The following CDH8 variants were observed in gnomAD, a reference collection of about 807,000 sequenced individuals.
The protein encoded by CDH8 is cadherin-8.
Under a neutral mutation model 68.1 loss-of-function variants are expected in CDH8, and 17 were observed. That is an observed-to-expected ratio of 0.25 (90% confidence interval 0.17 to 0.37). The LOEUF is 0.37. Ranked by LOEUF, CDH8 falls within the 10% of genes least tolerant of loss-of-function variation. The pLI, the probability that CDH8 is intolerant of heterozygous loss-of-function variation, is 1.00. For synonymous variants in CDH8, 372 were observed against 365.1 expected (o/e 1.02, Z -0.21); for missense variants, 763 against 999.3 (o/e 0.76, Z 3.19).
intron 2 of CDH8, among the ~76,000 whole-genome samples, chr16:61,954,262 C>T (rs951590969): frequency 3.8e-4 from 58 of 152,184 alleles, no homozygotes; most frequent in African/African-American, 1.2e-3. Context: ...TATATGATGT[C>T]CATCTTTCCC....
chr16:61,948,640 G>A (rs755855542), intron 2 of CDH8, among the ~76,000 whole-genome samples: 1 of 152,052 alleles, frequency 6.6e-6, no homozygotes, highest in Non-Finnish European at 1.5e-5. Context: ...ACAAACCCAG[G>A]GAGTCATTGT....
At chr16:61,937,085 A>G (rs1294584540) in intron 2 of CDH8, among the ~76,000 whole-genome samples, 1 of 152,100 alleles carries the variant, frequency 6.6e-6, no homozygotes, top group Admixed American at 6.6e-5. Context: ...TTTTTTCAGG[A>G]TTGAAATAAA....
chr16:61,701,387 C>A (rs553503035), intron 10 of CDH8, among the ~76,000 whole-genome samples: 2 of 152,160 alleles, frequency 1.3e-5, no homozygotes, highest in Non-Finnish European at 2.9e-5. Flanking sequence ...CACAGTGCTA[C>A]ACAATTCTCA....
chr16:61,768,103 ATTATTGTTATT>A (rs1960640584), intron 8 of CDH8, among the ~76,000 whole-genome samples: 1 of 151,520 alleles, frequency 6.6e-6, no homozygotes, highest in African/African-American at 2.4e-5. Context: ...TATGGTTGTT[ATTATTGTTATT>A]TAAGTAAGCA....
rs191287690 is a variant in CDH8, at chr16:61,731,036, C to G, written c.1415-3821G>C. 2.0e-5 allele frequency among the ~76,000 whole-genome samples: 3 copies of G among 151,746 alleles called. No individual in the cohort carries two copies. In the Admixed American group the frequency reaches 2.0e-4, roughly 10 times the overall value. ...AAAAGATTGAGGTCACTGCCTCCTTCTCTCCACAAAGCACTTCACTCCTAA... is the reference window on the plus strand; with the variant it reads ...AAAAGATTGAGGTCACTGCCTCCTTGTCTCCACAAAGCACTTCACTCCTAA... On this transcript the variant is annotated intron_variant, in intron 8 of 11. Transcript: ENST00000577390.
At chr16:61,728,615 T>C (rs1257044943) in intron 8 of CDH8, among the ~76,000 whole-genome samples, 1 of 151,212 alleles carries the variant, frequency 6.6e-6, no homozygotes, top group African/African-American at 2.4e-5. Flanking sequence ...ATTTAACTTA[T>C]GACTCTAACA....
At chr16:61,787,080 A>G (rs2142993605) in intron 8 of CDH8, among the ~76,000 whole-genome samples, 1 of 149,042 alleles carries the variant, frequency 6.7e-6, no homozygotes, top group Non-Finnish European at 1.5e-5. Context: ...AAAAGCCAAA[A>G]TTGACAAATG....
intron 4 of CDH8, among the ~76,000 whole-genome samples, chr16:61,827,126 T>A (rs1482751964): frequency 6.6e-6 from 1 of 151,882 alleles, no homozygotes; most frequent in Admixed American, 6.6e-5. Context: ...ATTAGCATGT[T>A]GAGATACCAA....
At chr16:61,769,649 T>TC (rs11463046) in intron 8 of CDH8, among the ~76,000 whole-genome samples, 64,829 of 151,610 alleles carry the variant, frequency 0.43, 14,758 homozygotes, top group African/African-American at 0.59. Flanking sequence ...AATCAACATT[T>TC]CCAAATGGAT....
intron 9 of CDH8, chr16:61,726,487 CT>C (rs1276851145): frequency 1.3e-5 from 2 of 150,294 alleles, no homozygotes; most frequent in Non-Finnish European, 3.0e-5. Flanking sequence ...CCCTTTCCTT[CT>C]CCCTCTCTCT....
chr16:61,871,819 A>AAG, intron 3 of CDH8, among the ~76,000 whole-genome samples: 1 of 89,046 alleles, frequency 1.1e-5, no homozygotes, highest in Non-Finnish European at 1.9e-5. Context: ...TATATGCAAA[A>AAG]AAAAAAAAAA....
intron 2 of CDH8, chr16:61,918,343 T>G (rs1426103888): frequency 1.3e-4 from 20 of 157,122 alleles, no homozygotes; most frequent in Non-Finnish European, 8.4e-5. Flanking sequence ...AGCTCCGGTC[T>G]ACAGCTCCCA....
At chr16:61,746,251 G>A (rs1960017335) in intron 8 of CDH8, among the ~76,000 whole-genome samples, 2 of 151,746 alleles carry the variant, frequency 1.3e-5, no homozygotes, top group Non-Finnish European at 2.9e-5. Flanking sequence ...TAGATACCTC[G>A]GTAACCCTGA....
intron 4 of CDH8, among the ~76,000 whole-genome samples, chr16:61,840,134 G>A (rs975386523): frequency 2.0e-5 from 3 of 152,034 alleles, no homozygotes; most frequent in Admixed American, 2.0e-4. Context: ...ATATAAAAGT[G>A]ATTTTCATCT....
At chr16:61,917,345 G>T (rs961336757) in intron 2 of CDH8, among the ~76,000 whole-genome samples, 1 of 152,084 alleles carries the variant, frequency 6.6e-6, no homozygotes, top group Non-Finnish European at 1.5e-5. Context: ...AATGTGATGG[G>T]AATGCAACAT....
At chr16:61,839,221 T>C (rs1401405735) in intron 4 of CDH8, among the ~76,000 whole-genome samples, 1 of 152,158 alleles carries the variant, frequency 6.6e-6, no homozygotes, top group Admixed American at 6.6e-5. Flanking sequence ...TTTTTTTCCT[T>C]TCTGTTTTGC....
At chr16:61,956,518 T>C (rs1035890630) in intron 2 of CDH8, among the ~76,000 whole-genome samples, 1 of 152,174 alleles carries the variant, frequency 6.6e-6, no homozygotes, top group African/African-American at 2.4e-5. Context: ...ATACCCAAGG[T>C]AATGCAAATT....
At chr16:61,716,473 T>C (rs187404639) in intron 9 of CDH8, among the ~76,000 whole-genome samples, 6 of 151,900 alleles carry the variant, frequency 3.9e-5, no homozygotes, top group Admixed American at 3.3e-4. Flanking sequence ...CCACTGGAAC[T>C]ACTGACTAAA....
At chr16:61,782,282 A>G (rs369263244) in intron 8 of CDH8, among the ~76,000 whole-genome samples, 26 of 152,216 alleles carry the variant, frequency 1.7e-4, no homozygotes, top group East Asian at 3.9e-4. Context: ...CCTGGGAAGC[A>G]CAAGGGGTCA....
Sources: gnomAD v4.1 joint callset for allele counts (sites outside exome capture counted in the v4.1 genomes callset) on GRCh38, gnomAD v4.1.1 for gene constraint, MANE v1.5 for transcripts, NCBI Gene and HGNC (gene_info 2026-07-23, HGNC 2026-07-21) for gene names.